The following ACSS1 variants were observed in gnomAD, a reference collection of about 807,000 sequenced individuals.
ACSS1 encodes the protein acetyl-coenzyme A synthetase 2-like, mitochondrial.
A neutral mutation model predicts 75.3 loss-of-function variants in ACSS1; 42 were observed. That is an observed-to-expected ratio of 0.56 (90% confidence interval 0.44 to 0.72). ACSS1 has a LOEUF of 0.72. Among genes scored for constraint, ACSS1 ranks in the 30% least tolerant of loss-of-function variants. The probability of loss-of-function intolerance (pLI) is 0.00; values close to 1 mark genes in which losing one functional copy is unlikely to be tolerated. For synonymous variants in ACSS1, 380 were observed against 376.8 expected (o/e 1.01, Z -0.10); for missense variants, 782 against 935.7 (o/e 0.84, Z 2.14).
intron 2 of ACSS1, among the ~76,000 whole-genome samples, chr20:25,034,402 C>T (rs2088875128): frequency 1.3e-5 from 2 of 152,104 alleles, no homozygotes; most frequent in Admixed American, 1.3e-4. Context: ...ACTCCTTGCC[C>T]CTCATCCTCT....
chr20:25,007,949 G>A lies in ACSS1; in HGVS notation c.1891-8C>T, dbSNP rs1352591105. 3 of 1,613,750 alleles carry A rather than the reference G, an allele frequency of 1.9e-6. No homozygotes were observed. The highest frequency in any genetic ancestry group is 2.5e-6 in the Non-Finnish European group (3 of 1,179,786). On this transcript the variant is annotated splice_region_variant and splice_polypyrimidine_tract_variant and intron_variant, in intron 13 of 13. Coordinates refer to ENST00000323482, the MANE Select transcript of ACSS1 (RefSeq NM_032501.4). ...TGGAAGACGTTTCACCACCTGGCAA[G>A]GAACAGGCACAGTGTTAGAGCGTGG...
At chr20:25,045,044 C>T (rs1429287103) in intron 2 of ACSS1, among the ~76,000 whole-genome samples, 6 of 152,254 alleles carry the variant, frequency 3.9e-5, no homozygotes, top group Admixed American at 3.3e-4. Context: ...TGCCCAGTTA[C>T]AATGCTGAAA....
chr20:25,032,638 G>T, intron 2 of ACSS1: 1 of 1,227,186 alleles, frequency 8.1e-7, no homozygotes, highest in East Asian at 3.2e-5. Context: ...CCCTCCTCGG[G>T]CTCTCAAGGC....
intron 13 of ACSS1, 72 bp downstream of exon 13, chr20:25,009,198 A>C (rs1313532983): frequency 1.5e-6 from 2 of 1,327,162 alleles, no homozygotes; most frequent in Non-Finnish European, 2.2e-6. Context: ...TATGCTCCTA[A>C]AAGATCATTG....
intron 1 of ACSS1, among the ~76,000 whole-genome samples, chr20:25,052,178 T>C (rs1179144197): frequency 6.7e-6 from 1 of 150,290 alleles, no homozygotes; most frequent in Non-Finnish European, 1.5e-5. Context: ...GGTAAGAAGG[T>C]GAGGAAGGAT....
At chr20:25,057,268 C>CT (rs781006467) in intron 1 of ACSS1, among the ~76,000 whole-genome samples, 1 of 152,258 alleles carries the variant, frequency 6.6e-6, no homozygotes. Context: ...CGCCACAGCT[C>CT]TGTTTGTTTA....
chr20:25,018,561 G>A (rs2088561063), intron 7 of ACSS1, among the ~76,000 whole-genome samples: 2 of 152,178 alleles, frequency 1.3e-5, no homozygotes, highest in African/African-American at 4.8e-5. Flanking sequence ...AGAACCAAGT[G>A]CTGCGTTCAA....
chr20:25,020,101 A>G lies in ACSS1; in HGVS notation c.1155T>C (p.Tyr385=). ...TVERLKINQF[Y]GAPTAVRLLL... ...ACAGCCGGACAGCCGTTGGGGCGCC[A>G]TAGAACTGATTGATCTTCAACCTCT... The change falls in exon 7 of 14, where the codon TAT becomes TAC. Residue 385 remains tyrosine, a synonymous_variant. Transcript: ENST00000323482. 1.2e-6 allele frequency: 2 copies of G among 1,614,254 alleles called. No homozygotes were observed. Among genetic ancestry groups the G allele is most frequent in the African/African-American group, 1.3e-5 (1 of 75,066 alleles).
Position 25,034,482 on chromosome 20 carries a change from C to A in ACSS1, c.432-3524G>T, listed in dbSNP as rs1223505883. Among the ~76,000 whole-genome samples the A allele has an allele frequency of 2.0e-5, 3 of 152,264 alleles. No individual in the cohort carries two copies. In the East Asian group the frequency reaches 5.8e-4, roughly 29 times the overall value. ...CGGCACTCGATCTCAGTAGACACCCCCAGACTTCCAAATGGACCCCCACAT... is the reference window on the plus strand; with the variant it reads ...CGGCACTCGATCTCAGTAGACACCCACAGACTTCCAAATGGACCCCCACAT... On this transcript the variant is annotated intron_variant, in intron 2 of 13. Transcript: ENST00000323482.
chr20:25,014,627 C>G (rs781707253), intron 8 of ACSS1, among the ~76,000 whole-genome samples: 6 of 152,144 alleles, frequency 3.9e-5, no homozygotes, highest in Non-Finnish European at 5.9e-5. Context: ...GTCTCTCGCC[C>G]CAAGCCTCCT....
At position 25,007,960 on chromosome 20, in the gene ACSS1, AGT is replaced by A; in HGVS notation, c.1891-21_1891-20del. ...TCACCACCTGGCAAGGAACAGGCAC[AGT>A]GTTAGAGCGTGGATGGTGCCCAGCC... is the stretch of plus-strand genomic sequence containing the variant. On this transcript the variant is annotated intron_variant, in intron 13 of 13. Coordinates refer to ENST00000323482, the MANE Select transcript of ACSS1 (RefSeq NM_032501.4). The A allele has an allele frequency of 6.2e-7, 1 of 1,612,738 alleles. No homozygotes were observed. Among genetic ancestry groups the A allele is most frequent in the Non-Finnish European group, 8.5e-7 (1 of 1,179,218 alleles).
At chr20:25,042,430 G>T (rs1600342330) in intron 2 of ACSS1, among the ~76,000 whole-genome samples, 1 of 152,232 alleles carries the variant, frequency 6.6e-6, no homozygotes, top group East Asian at 1.9e-4. Flanking sequence ...GGGCAGCTAG[G>T]CCGGGACTCC....
Position 25,007,212 on chromosome 20 carries a change from CTCA to C in ACSS1, c.*547_*549del. The C allele has an allele frequency of 8.3e-7, 1 of 1,206,052 alleles. No individual in the cohort carries two copies. The highest frequency in any genetic ancestry group is 2.7e-5 in the South Asian group (1 of 37,168). The allele number at this position is 1,206,052 out of a possible 1,614,324, so 74.7% of individuals were successfully genotyped here. ...ATAATTAAAAATGTGGCCTCTGATC[CTCA>C]TGTTTCCTCACCAGTAGAGGCAAAA... On this transcript the variant is annotated 3_prime_UTR_variant, in exon 14 of 14. Transcript: ENST00000323482.
chr20:25,012,500 C>A, intron 12 of ACSS1, 101 bp downstream of exon 12: 2 of 1,403,392 alleles, frequency 1.4e-6, no homozygotes. Flanking sequence ...CCCACAGTAT[C>A]CCCTATCACT....
intron 2 of ACSS1, among the ~76,000 whole-genome samples, chr20:25,035,596 G>T (rs1027787359): frequency 2.0e-5 from 3 of 151,996 alleles, no homozygotes; most frequent in African/African-American, 4.8e-5. Flanking sequence ...GTAGAGACAG[G>T]TTTCACCATG....
intron 2 of ACSS1, among the ~76,000 whole-genome samples, chr20:25,036,393 G>C (rs549853559): frequency 4.9e-4 from 74 of 152,118 alleles, no homozygotes; most frequent in Non-Finnish European, 6.5e-4. Context: ...TGACCAACAC[G>C]ATAACTGCCT....
Position 25,014,015 on chromosome 20 carries a change from A to G in ACSS1, c.1398T>C (p.Pro466=). ...RPSEEGAEIL[P]AMAMRPFFGI... ...CAAAGAAGGGCCTCATCGCCATGGCAGGGAGGATTTCCGCCCCTTCTTCCG... is the reference window on the plus strand; with the variant it reads ...CAAAGAAGGGCCTCATCGCCATGGCGGGGAGGATTTCCGCCCCTTCTTCCG... Residue 466 remains proline (P), a synonymous_variant, in exon 9 of 14, where the codon CCT becomes CCC. Transcript: ENST00000323482. 6.2e-7 allele frequency: 1 copy of G among 1,613,876 alleles called. No individual in the cohort carries two copies. Among genetic ancestry groups the G allele is most frequent in the Non-Finnish European group, 8.5e-7 (1 of 1,179,922 alleles).
intron 3 of ACSS1, among the ~76,000 whole-genome samples, chr20:25,027,387 C>T (rs903398409): frequency 6.6e-6 from 1 of 152,150 alleles, no homozygotes; most frequent in Non-Finnish European, 1.5e-5. Context: ...ATACAAAACT[C>T]TTCCACAAAA....
chr20:25,019,964 G>A, intron 7 of ACSS1, 46 bp downstream of exon 7: 5 of 1,612,978 alleles, frequency 3.1e-6, no homozygotes, highest in Non-Finnish European at 4.2e-6. Flanking sequence ...GGCTCTGAGG[G>A]TCTAGGGCAA....
Sources: gnomAD v4.1 joint callset for allele counts (sites outside exome capture counted in the v4.1 genomes callset) on GRCh38, gnomAD v4.1.1 for gene constraint, MANE v1.5 for transcripts, NCBI Gene and HGNC (gene_info 2026-07-23, HGNC 2026-07-21) for gene names.